Variants in PRPF8 observed in about 807,000 individuals in gnomAD.
PRPF8 encodes the protein pre-mRNA-processing-splicing factor 8.
In PRPF8, 64 loss-of-function variants were observed where a neutral mutation model predicts 285.9. The ratio of observed to expected loss-of-function variants is 0.22; its 90% confidence interval spans 0.18 to 0.28. The LOEUF is 0.28. Ranked by LOEUF, PRPF8 falls within the 10% of genes least tolerant of loss-of-function variation. The pLI is 1.00. For missense variants in PRPF8, 1,426 were observed against 3,026.7 expected (o/e 0.47, Z 12.41); for synonymous variants, 1,325 against 1,118.2 (o/e 1.18, Z -3.69).
chr17:1,655,210 G>C (rs1476285450), intron 37 of PRPF8, 140 bp downstream of exon 37: 1 of 863,196 alleles, frequency 1.2e-6, no homozygotes, highest in Non-Finnish European at 1.9e-6. Flanking sequence ...TACCCACCTT[G>C]GCCTCCCAAA....
rs1020427115 is a variant in PRPF8, at chr17:1,653,734, G to A, written c.6227+43C>T. The A allele has an allele frequency of 5.6e-6, 9 of 1,614,040 alleles. No homozygotes were observed. Among genetic ancestry groups the A allele is most frequent in the Non-Finnish European group, 7.6e-6 (9 of 1,180,030 alleles). ...ATCGCTCAGCCCAGCACCTTAGGTA[G>A]TGCAGCCGGCCTTTCCATCCCCACC... is the stretch of plus-strand genomic sequence containing the variant. On this transcript the variant is annotated intron_variant, in intron 38 of 42. Transcript: ENST00000304992. This position sits in a 1 kb window ranked among gnomAD's most constrained non-coding sequence, Gnocchi z 4.9.
rs751142210 is a variant in PRPF8, at chr17:1,680,807, G to A, written c.1017C>T (p.Phe339=). ...GCAAGTCAGGATCCTCAGTTTTGAT[G>A]AATACAACATTGGGAGTATGGTACC... The part of the protein sequence containing the change: ...LTWYHTPNVV[F]IKTEDPDLPA... The change falls in exon 8 of 43, where the codon TTC becomes TTT. Residue 339 remains phenylalanine (F), a synonymous_variant. Transcript: ENST00000304992. 1.5e-5 allele frequency: 25 copies of A among 1,614,008 alleles called. No homozygotes were observed. The highest frequency in any genetic ancestry group is 4.5e-5 in the East Asian group (2 of 44,892).
chr17:1,651,934 G>A lies in PRPF8; in HGVS notation c.6370-146C>T, dbSNP rs1274028115. ...AGAACCCCCTGTATCAGAATCAGCT[G>A]GGGTGCTTGTTCAAAATGTTAGACA... On this transcript the variant is annotated intron_variant, in intron 39 of 42. Transcript: ENST00000304992. This position sits in a 1 kb window ranked among gnomAD's most constrained non-coding sequence, Gnocchi z 5.1. 7.6e-6 allele frequency: 8 copies of A among 1,055,758 alleles called. No individual in the cohort carries two copies. In the East Asian group the frequency reaches 2.0e-4, roughly 26 times the overall value. 65.4% of individuals were successfully genotyped at this position (1,055,758 alleles called of 1,614,324 possible). A position where few individuals can be genotyped will look rare whatever the true frequency, so the allele number is the denominator to read the frequency against.
chr17:1,665,290 A>G (rs1345906163), intron 24 of PRPF8, among the ~76,000 whole-genome samples: 1 of 152,118 alleles, frequency 6.6e-6, no homozygotes, highest in Non-Finnish European at 1.5e-5. Flanking sequence ...CTGTAATCCC[A>G]GCACTTTGGG....
chr17:1,681,098 G>A (rs774968332), intron 6 of PRPF8, 44 bp from the exon 7 acceptor site: 1 of 1,573,474 alleles, frequency 6.4e-7, no homozygotes, highest in Admixed American at 1.7e-5. Flanking sequence ...TTTTTTTTGA[G>A]ACAGGGTCTC....
At position 1,655,559 on chromosome 17, in the gene PRPF8, G is replaced by C; in HGVS notation, c.5794-16C>G. ...GGGAGAAGGCCTGGGAAAAGATTTG[G>C]AAGAGTGGGGTAGGTCAGCTGCTTG... On this transcript the variant is annotated splice_polypyrimidine_tract_variant and intron_variant, in intron 36 of 42. Coordinates refer to ENST00000304992, the MANE Select transcript of PRPF8 (RefSeq NM_006445.4). The C allele has an allele frequency of 6.3e-7, 1 of 1,597,320 alleles. No homozygotes were observed. Among genetic ancestry groups the C allele is most frequent in the Non-Finnish European group, 8.6e-7 (1 of 1,164,752 alleles).
At position 1,658,894 on chromosome 17, in the gene PRPF8, A is replaced by G. The variant is rs1350969683; in HGVS notation, c.5139-131T>C. 13 of 814,396 alleles carry G rather than the reference A, an allele frequency of 1.6e-5. No homozygotes were observed. The highest frequency in any genetic ancestry group is 4.3e-4 in the Middle Eastern group (2 of 4,624). The allele number at this position is 814,396 out of a possible 1,614,324, so 50.4% of individuals were successfully genotyped here. ...CAACACTCTGCTCATGTGTACATAC[A>G]GGCTGGAGAAGAGAATCAGTGACCC... On this transcript the variant is annotated intron_variant, in intron 32 of 42. Transcript: ENST00000304992. This position sits in a 1 kb window ranked among gnomAD's most constrained non-coding sequence, Gnocchi z 4.1.
In PRPF8 at chr17:1,682,311, G is replaced by A; in HGVS notation, c.270-18C>T. ...TTAGGGCACTGGCACATTAGAAAAA[G>A]AGAAGGCTATCAGAAATGACGAGGT... is the stretch of plus-strand genomic sequence containing the variant. On this transcript the variant is annotated intron_variant, in intron 3 of 42. Coordinates refer to ENST00000304992, the MANE Select transcript of PRPF8 (RefSeq NM_006445.4). The A allele has an allele frequency of 6.2e-7, 1 of 1,613,426 alleles. No homozygotes were observed. Among genetic ancestry groups the A allele is most frequent in the South Asian group, 1.1e-5 (1 of 91,062 alleles).
At position 1,684,810 on chromosome 17, in the gene PRPF8, C is replaced by T. The variant is rs1328275712; in HGVS notation, c.-42G>A. On this transcript the variant is annotated 5_prime_UTR_variant, in exon 1 of 43. Coordinates refer to ENST00000304992, the MANE Select transcript of PRPF8 (RefSeq NM_006445.4). ...AGGCCCTCACACAAGAGGCCGCTTTCCCCGCAGCGCAATGGCGGCCAGACT... is the reference window on the plus strand; with the variant it reads ...AGGCCCTCACACAAGAGGCCGCTTTTCCCGCAGCGCAATGGCGGCCAGACT... 1.3e-5 allele frequency: 8 copies of T among 598,214 alleles called. No homozygotes were observed. Among genetic ancestry groups the T allele is most frequent in the Non-Finnish European group, 2.4e-5 (8 of 334,630 alleles). The allele number at this position is 598,214 out of a possible 1,614,324, so 37.1% of individuals were successfully genotyped here. A position where few individuals can be genotyped will look rare whatever the true frequency, so the allele number is the denominator to read the frequency against.
intron 2 of PRPF8, among the ~76,000 whole-genome samples, chr17:1,684,045 C>T (rs1913089566): frequency 6.6e-6 from 1 of 152,072 alleles, no homozygotes; most frequent in African/African-American, 2.4e-5. Context: ...CGCCACCACA[C>T]ACGACTCATT....
chr17:1,660,301 C>T, intron 30 of PRPF8, 131 bp downstream of exon 30: 2 of 1,509,830 alleles, frequency 1.3e-6, no homozygotes, highest in Non-Finnish European at 1.8e-6. Flanking sequence ...CCCACGATTC[C>T]ACCTGAGCTG....
chr17:1,662,786 G>A (rs866704248), intron 24 of PRPF8, among the ~76,000 whole-genome samples: 3 of 145,578 alleles, frequency 2.1e-5, no homozygotes, highest in South Asian at 2.1e-4. Context: ...AGCTGAGATC[G>A]CACCACTGCA....
chr17:1,653,017 T>C lies in PRPF8; in HGVS notation c.6369+525A>G. 4.5e-6 allele frequency: 1 copy of C among 222,534 alleles called. No individual in the cohort carries two copies. Among genetic ancestry groups the C allele is most frequent in the Non-Finnish European group, 9.1e-6 (1 of 109,380 alleles). The allele number at this position is 222,534 out of a possible 1,614,324, so 13.8% of individuals were successfully genotyped here. On this transcript the variant is annotated intron_variant, in intron 39 of 42. Coordinates refer to ENST00000304992, the MANE Select transcript of PRPF8 (RefSeq NM_006445.4). This position sits in a 1 kb window ranked among gnomAD's most constrained non-coding sequence, Gnocchi z 4.9. Reference sequence around the variant, plus strand: ...GATGCAATCTTGGCTCACTGCAAGCTCCACCTCACCTCCCGGGTTCAAGCA... The same window carrying C: ...GATGCAATCTTGGCTCACTGCAAGCCCCACCTCACCTCCCGGGTTCAAGCA...
At chr17:1,678,246 C>T (rs1218579192) in intron 13 of PRPF8, among the ~76,000 whole-genome samples, 1 of 152,034 alleles carries the variant, frequency 6.6e-6, no homozygotes, top group Admixed American at 6.6e-5. Flanking sequence ...ACCCGGGAGG[C>T]GGAGGCTGTG....
intron 34 of PRPF8, among the ~76,000 whole-genome samples, chr17:1,657,974 A>C (rs1186334136): frequency 4.1e-4 from 60 of 146,392 alleles, no homozygotes; most frequent in African/African-American, 1.2e-3. Context: ...CCGGCTAAAA[A>C]AAAAAAAAAA....
At position 1,680,811 on chromosome 17, in the gene PRPF8, A is replaced by G. The variant is rs748843729; in HGVS notation, c.1013T>C (p.Val338Ala). The change falls in exon 8 of 43, where the codon GTA becomes GCA. Residue 338 changes from valine (V) to alanine (A), a missense_variant. By Grantham distance (64) the Val-to-Ala change is moderately conservative (BLOSUM62 0). Around this residue, in one of 34 missense-constraint regions of PRPF8, gnomAD observed 10 missense variants for 29.5 expected, o/e 0.34. Transcript: ENST00000304992. ...HLTWYHTPNV[V>A]FIKTEDPDLP... is the part of the protein sequence containing the mutation. ...GTCAGGATCCTCAGTTTTGATGAAT[A>G]CAACATTGGGAGTATGGTACCTAAA... 39 of 1,614,130 alleles carry G rather than the reference A, an allele frequency of 2.4e-5. No homozygotes were observed. The highest frequency in any genetic ancestry group is 3.3e-5 in the Non-Finnish European group (39 of 1,180,016).
rs1362756989 is a variant in PRPF8 at position 1,651,603 on chromosome 17, CG to C, written c.6510+44del. 6.2e-7 allele frequency: 1 copy of C among 1,613,998 alleles called. No homozygotes were observed. Among genetic ancestry groups the C allele is most frequent in the African/African-American group, 1.3e-5 (1 of 74,906 alleles). ...CTGAATCCCATCCACAGACAGGAAT[CG>C]CACCAGCTTTTCCACACTCCCAGGC... On this transcript the variant is annotated intron_variant, in intron 40 of 42. Coordinates refer to ENST00000304992, the MANE Select transcript of PRPF8 (RefSeq NM_006445.4). This position sits in a 1 kb window ranked among gnomAD's most constrained non-coding sequence, Gnocchi z 5.1.
intron 37 of PRPF8, chr17:1,654,235 A>G (rs945053247): frequency 1.2e-5 from 8 of 672,552 alleles, no homozygotes; most frequent in Non-Finnish European, 1.9e-5. Flanking sequence ...GCACCTTCCC[A>G]CTGTTTAGCA....
Position 1,651,711 on chromosome 17 carries a change from C to G in PRPF8, c.6447G>C (p.Pro2149=). The G allele has an allele frequency of 1.2e-6, 2 of 1,614,148 alleles. No homozygotes were observed. Among genetic ancestry groups the G allele is most frequent in the Non-Finnish European group, 1.7e-6 (2 of 1,180,042 alleles). ...VKEIRCIVMV[P]QWGTHQTVHL... ...GCACGGTCTGGTGAGTGCCCCACTG[C>G]GGCACCATCACAATGCAGCGGATCT... The change falls in exon 40 of 43, where the codon CCG becomes CCC. Residue 2149 remains proline, a synonymous_variant. Transcript: ENST00000304992. The surrounding 1 kb of genome is among the most constrained non-coding windows in gnomAD (Gnocchi z 5.1).
Sources: gnomAD v4.1 joint callset for allele counts (sites outside exome capture counted in the v4.1 genomes callset) on GRCh38, gnomAD v4.1.1 for gene constraint, gnomAD v4.1.1 regional missense constraint, Gnocchi (gnomAD v3.1) non-coding constraint, MANE v1.5 for transcripts, NCBI Gene and HGNC (gene_info 2026-07-23, HGNC 2026-07-21) for gene names.